The following SLC38A1 variants were observed in gnomAD, a reference collection of about 807,000 sequenced individuals.
SLC38A1 encodes the protein solute carrier family 38 member 1.
Under a neutral mutation model 60.3 loss-of-function variants are expected in SLC38A1, and 18 were observed. That is an observed-to-expected ratio of 0.30 (90% CI 0.21 to 0.44). SLC38A1 has a LOEUF of 0.44. SLC38A1 is among the 20% of genes least tolerant of loss of function. SLC38A1 has a pLI of 1.00. For missense variants in SLC38A1, 448 were observed against 587.2 expected, an observed-to-expected ratio of 0.76 and a Z score of 2.45; for synonymous variants, 196 against 212.1, an observed-to-expected ratio of 0.92 and a Z score of 0.66.
At position 46,239,959 on chromosome 12, in the gene SLC38A1, C is replaced by A. The variant is rs182686908; in HGVS notation, c.-93-66G>T. 5.5e-4 allele frequency: 340 copies of A among 620,450 alleles called. 1 individual carries two copies. The highest frequency in any genetic ancestry group is 8.7e-4 in the Non-Finnish European group (321 of 368,024). The allele number at this position is 620,450 out of a possible 1,614,324, so 38.4% of individuals were successfully genotyped here. On this transcript the variant is annotated intron_variant, in intron 2 of 16. Coordinates refer to ENST00000398637, the MANE Select transcript of SLC38A1 (RefSeq NM_030674.4). ...ACGCTACTGATTAAAAATAAATTAC[C>A]ACAAATAAACAAGTAGTTAATTTAC...
At chr12:46,241,990 T>G (rs1941463741) in intron 2 of SLC38A1, among the ~76,000 whole-genome samples, 1 of 152,116 alleles carries the variant, frequency 6.6e-6, no homozygotes, top group African/African-American at 2.4e-5. Flanking sequence ...TAATAATAGA[T>G]CCCGAGTCTA....
At chr12:46,254,372 T>A (rs1314046986) in intron 1 of SLC38A1, among the ~76,000 whole-genome samples, 1 of 152,230 alleles carries the variant, frequency 6.6e-6, no homozygotes, top group African/African-American at 2.4e-5. Flanking sequence ...CAGTTTCCCA[T>A]TTTTTACTAA....
chr12:46,257,084 T>A (rs1942056151), intron 1 of SLC38A1, among the ~76,000 whole-genome samples: 2 of 152,170 alleles, frequency 1.3e-5, no homozygotes, highest in Non-Finnish European at 2.9e-5. Flanking sequence ...ACTGAAAAGT[T>A]CAGGCGGCCA....
intron 5 of SLC38A1, among the ~76,000 whole-genome samples, chr12:46,221,078 T>C (rs1485308854): frequency 6.6e-6 from 1 of 152,160 alleles, no homozygotes; most frequent in Non-Finnish European, 1.5e-5. Context: ...TTTCGACTTA[T>C]CCTTACTGGA....
At chr12:46,220,976 T>C (rs1940635719) in intron 5 of SLC38A1, among the ~76,000 whole-genome samples, 1 of 152,138 alleles carries the variant, frequency 6.6e-6, no homozygotes, top group Admixed American at 6.6e-5. Flanking sequence ...CTATTTCTAT[T>C]TACTCCTTAT....
intron 5 of SLC38A1, 130 bp downstream of exon 5, chr12:46,229,023 T>C (rs1357285274): frequency 3.7e-6 from 2 of 536,852 alleles, no homozygotes; most frequent in Non-Finnish European, 6.6e-6. Flanking sequence ...AATATCAAAG[T>C]ATGTACTTGT....
chr12:46,243,468 TTACTGTTGA>T (rs1314243424), intron 1 of SLC38A1, among the ~76,000 whole-genome samples, 154 bp from the exon 2 acceptor site: 1 of 151,986 alleles, frequency 6.6e-6, no homozygotes, highest in Non-Finnish European at 1.5e-5. Flanking sequence ...GTCTACACCA[TTACTGTTGA>T]TACTTGGTTA....
At chr12:46,189,577 GA>G (rs544321144) in intron 16 of SLC38A1, among the ~76,000 whole-genome samples, 47 of 152,304 alleles carry the variant, frequency 3.1e-4, no homozygotes, top group Non-Finnish European at 5.7e-4. Flanking sequence ...TAAGTTACCT[GA>G]AGGGCTGATG....
chr12:46,266,815 C>G (rs1358002327), intron 1 of SLC38A1, among the ~76,000 whole-genome samples: 2 of 152,122 alleles, frequency 1.3e-5, no homozygotes. Flanking sequence ...AGACCTCAAA[C>G]CAAACTATTC....
intron 5 of SLC38A1, among the ~76,000 whole-genome samples, chr12:46,223,080 A>C (rs954452073): frequency 7.2e-5 from 11 of 152,168 alleles, no homozygotes; most frequent in African/African-American, 2.4e-4. Flanking sequence ...GTTTTTCTCA[A>C]GTTGTAGAGT....
In SLC38A1 at chr12:46,268,283, A is replaced by G. The variant is rs2139179499; in HGVS notation, c.-209+243T>C. 6.6e-6 allele frequency among the ~76,000 whole-genome samples: 1 copy of G among 152,338 alleles called. No individual in the cohort carries two copies. Among genetic ancestry groups the G allele is most frequent in the African/African-American group, 2.4e-5 (1 of 41,580 alleles). On this transcript the variant is annotated intron_variant, in intron 1 of 16. Coordinates refer to ENST00000398637, the MANE Select transcript of SLC38A1 (RefSeq NM_030674.4). This position sits in a 1 kb window ranked among gnomAD's most constrained non-coding sequence, Gnocchi z 4.4. ...AGGAAAACAAACCAAAAAGTAAGCC[A>G]CAGCCCACGCAAAGGTGAACTCGGG...
chr12:46,237,202 A>C (rs1175955395), intron 3 of SLC38A1, among the ~76,000 whole-genome samples: 1 of 152,134 alleles, frequency 6.6e-6, no homozygotes. Context: ...GTTTGGGGAG[A>C]AGTGGTTTTC....
chr12:46,259,076 T>C (rs1056382632), intron 1 of SLC38A1, among the ~76,000 whole-genome samples: 1 of 152,196 alleles, frequency 6.6e-6, no homozygotes, highest in Non-Finnish European at 1.5e-5. Flanking sequence ...CCACGTGAGA[T>C]GATGGATATA....
chr12:46,235,172 G>T (rs1361742994), intron 3 of SLC38A1, among the ~76,000 whole-genome samples: 2 of 152,152 alleles, frequency 1.3e-5, no homozygotes, highest in African/African-American at 4.8e-5. Context: ...AAACAGAGAG[G>T]CAAGAAACAG....
At chr12:46,201,286 G>T in intron 12 of SLC38A1, 88 bp from the exon 13 acceptor site, 1 of 1,111,972 alleles carries the variant, frequency 9.0e-7, no homozygotes, top group Non-Finnish European at 1.3e-6. Context: ...ATTTAACTTT[G>T]CTTCTGTCAG....
rs888528612 is a variant in SLC38A1, at chr12:46,184,824, T to G, written c.*4146A>C. Reference sequence around the variant, plus strand: ...TGCCTCGCCCCAACCAAAGCCTCACTTTCATTTCCTCACAGCTTTAAAAAA... The same window carrying G: ...TGCCTCGCCCCAACCAAAGCCTCACGTTCATTTCCTCACAGCTTTAAAAAA... On this transcript the variant is annotated 3_prime_UTR_variant, in exon 17 of 17. Coordinates refer to ENST00000398637, the MANE Select transcript of SLC38A1 (RefSeq NM_030674.4). 6.6e-6 allele frequency: 1 copy of G among 152,198 alleles called. No individual in the cohort carries two copies. The highest frequency in any genetic ancestry group is 2.4e-5 in the African/African-American group (1 of 41,454). 9.4% of individuals were successfully genotyped at this position (152,198 alleles called of 1,614,324 possible).
At chr12:46,245,392 C>T (rs566087789) in intron 1 of SLC38A1, among the ~76,000 whole-genome samples, 1 of 152,280 alleles carries the variant, frequency 6.6e-6, no homozygotes, top group South Asian at 2.1e-4. Context: ...CAGGGTAATG[C>T]AAATCCATAC....
At chr12:46,215,650 T>C (rs1038971931) in intron 5 of SLC38A1, among the ~76,000 whole-genome samples, 2 of 152,224 alleles carry the variant, frequency 1.3e-5, no homozygotes, top group South Asian at 4.2e-4. Context: ...TCAGGTGATC[T>C]GCCCACCTCA....
At chr12:46,257,419 AG>A (rs1370782725) in intron 1 of SLC38A1, among the ~76,000 whole-genome samples, 2 of 152,154 alleles carry the variant, frequency 1.3e-5, no homozygotes, top group Non-Finnish European at 1.5e-5. Flanking sequence ...TTTTATCAAG[AG>A]GAGGCTTTAA....
Sources: allele counts gnomAD v4.1 joint callset (sites outside exome capture counted in the v4.1 genomes callset), GRCh38; gene constraint gnomAD v4.1.1; non-coding constraint Gnocchi (gnomAD v3.1); transcripts MANE v1.5; gene names NCBI Gene and HGNC (gene_info 2026-07-23, HGNC 2026-07-21).